HTRA1: variants seen among roughly 807,000 people sequenced by gnomAD.
The protein encoded by HTRA1 is HtrA serine peptidase 1, also known as serine protease HTRA1.
A neutral mutation model predicts 49.7 loss-of-function variants in HTRA1; 26 were observed. That is an observed-to-expected ratio of 0.52 (90% confidence interval 0.38 to 0.73). The LOEUF (loss-of-function observed/expected upper bound fraction) is 0.73. Ranked by LOEUF, HTRA1 falls within the 30% of genes least tolerant of loss-of-function variation. The probability of loss-of-function intolerance (pLI) is 0.00; values close to 1 mark genes in which losing one functional copy is unlikely to be tolerated. For synonymous variants in HTRA1, 291 were observed against 286.9 expected, an observed-to-expected ratio of 1.01 and a Z score of -0.14; for missense variants, 561 against 667.2, an observed-to-expected ratio of 0.84 and a Z score of 1.75.
intron 1 of HTRA1, among the ~76,000 whole-genome samples, chr10:122,485,611 T>C (rs996141961): frequency 1.6e-4 from 25 of 152,214 alleles, no homozygotes; most frequent in African/African-American, 6.0e-4. Context: ...CAGATCCTCC[T>C]TGATCTCCCT....
chr10:122,470,908 T>C (rs1419504887), intron 1 of HTRA1, among the ~76,000 whole-genome samples: 1 of 152,160 alleles, frequency 6.6e-6, no homozygotes, highest in African/African-American at 2.4e-5. Context: ...TGAGACATGA[T>C]AGCTCTTGGC....
chr10:122,508,528 C>CCCACTTCTTGCAT, intron 5 of HTRA1, 128 bp from the exon 6 acceptor site: 1 of 770,460 alleles, frequency 1.3e-6, no homozygotes, highest in Non-Finnish European at 2.4e-6. Context: ...ACGGGGATCC[C>CCCACTTCTTGCAT]CTCCTTGCAT....
rs11200652 is a variant in HTRA1 at position 122,487,654 on chromosome 10, C to T, written c.473-1248C>T. On this transcript the variant is annotated intron_variant, in intron 1 of 8. Transcript: ENST00000368984. This position sits in a 1 kb window ranked among gnomAD's most constrained non-coding sequence, Gnocchi z 4.8. ...ACGTTCTGAGAAATGCGTCGTTAGG[C>T]GATTTCATCACTGTGGGAATGTTAC... is the stretch of plus-strand genomic sequence containing the variant. 5.9e-5 allele frequency among the ~76,000 whole-genome samples: 9 copies of T among 152,204 alleles called. No individual in the cohort carries two copies. Among genetic ancestry groups the T allele is most frequent in the East Asian group, 1.9e-4 (1 of 5,160 alleles).
chr10:122,511,597 G>A (rs1022368899), intron 7 of HTRA1, among the ~76,000 whole-genome samples: 2 of 151,912 alleles, frequency 1.3e-5, no homozygotes, highest in Admixed American at 1.3e-4. Context: ...GCCGGGCTTG[G>A]TGGCAGGCAC....
At chr10:122,489,663 A>G in intron 3 of HTRA1, 37 bp downstream of exon 3, 1 of 1,586,194 alleles carries the variant, frequency 6.3e-7, no homozygotes, top group Non-Finnish European at 8.6e-7. Context: ...GAGTTCTCAG[A>G]TGCCCCGGAA....
Position 122,514,524 on chromosome 10 carries a change from C to T in HTRA1, c.*165C>T. 1 of 691,180 alleles carries T rather than the reference C, an allele frequency of 1.4e-6. No homozygotes were observed. The highest frequency in any genetic ancestry group is 2.6e-6 in the Non-Finnish European group (1 of 389,054). 42.8% of individuals were successfully genotyped at this position (691,180 alleles called of 1,614,324 possible). A position where few individuals can be genotyped will look rare whatever the true frequency, so the allele number is the denominator to read the frequency against. ...AGAATCCTTCTTGATAGTTTGCAGGCAAAACAAATGTAATGTTGCAGATCC... is the reference window on the plus strand; with the variant it reads ...AGAATCCTTCTTGATAGTTTGCAGGTAAAACAAATGTAATGTTGCAGATCC... On this transcript the variant is annotated 3_prime_UTR_variant, in exon 9 of 9. Transcript: ENST00000368984.
intron 1 of HTRA1, among the ~76,000 whole-genome samples, chr10:122,478,391 G>GTTTT (rs1565415429): frequency 2.7e-5 from 1 of 36,700 alleles, no homozygotes. Context: ...GAGTTTGACA[G>GTTTT]ATTTTTTTTT....
chr10:122,474,006 G>C (rs527569865), intron 1 of HTRA1, among the ~76,000 whole-genome samples: 39 of 152,234 alleles, frequency 2.6e-4, no homozygotes, highest in Non-Finnish European at 5.0e-4. Context: ...TTTCAGCCTG[G>C]AAAGTCACTG....
intron 3 of HTRA1, among the ~76,000 whole-genome samples, chr10:122,493,896 G>A (rs958621737): frequency 6.7e-6 from 1 of 150,046 alleles, no homozygotes; most frequent in Non-Finnish European, 1.5e-5. Context: ...CCCTTCCTTG[G>A]TTGCTTCCCA....
At chr10:122,504,056 C>T (rs185809762) in intron 3 of HTRA1, among the ~76,000 whole-genome samples, 1 of 152,304 alleles carries the variant, frequency 6.6e-6, no homozygotes, top group Admixed American at 6.5e-5. Flanking sequence ...CCAGGCTTGC[C>T]CACGGGGTGC....
At chr10:122,499,047 C>T (rs753152780) in intron 3 of HTRA1, among the ~76,000 whole-genome samples, 1 of 152,150 alleles carries the variant, frequency 6.6e-6, no homozygotes, top group South Asian at 2.1e-4. Context: ...GTGCAGGGAT[C>T]AGGCTGATGA....
rs1257389673 is a variant in HTRA1 at position 122,494,237 on chromosome 10, G to A, written c.777+4611G>A. Reference sequence around the variant, plus strand: ...GGACTGCGGGGTTGGGGGCACATCCGGCTGTCGGTCCTCAGGTAGGAGGTG... The same window carrying A: ...GGACTGCGGGGTTGGGGGCACATCCAGCTGTCGGTCCTCAGGTAGGAGGTG... On this transcript the variant is annotated intron_variant, in intron 3 of 8. Coordinates refer to ENST00000368984, the MANE Select transcript of HTRA1 (RefSeq NM_002775.5). This position sits in a 1 kb window ranked among gnomAD's most constrained non-coding sequence, Gnocchi z 4.0. Among the ~76,000 whole-genome samples the A allele has an allele frequency of 2.6e-5, 4 of 152,168 alleles. No individual in the cohort carries two copies. The highest frequency in any genetic ancestry group is 2.1e-4 in the South Asian group (1 of 4,828).
chr10:122,469,508 A>C (rs986854327), intron 1 of HTRA1, among the ~76,000 whole-genome samples: 2 of 152,224 alleles, frequency 1.3e-5, no homozygotes, highest in Non-Finnish European at 2.9e-5. Context: ...AGAGTGAGCT[A>C]TACAGGAATA....
chr10:122,464,059 C>T lies in HTRA1; in HGVS notation c.472+1935C>T, dbSNP rs2097482730. Among the ~76,000 whole-genome samples the T allele has an allele frequency of 6.6e-6, 1 of 152,132 alleles. No individual in the cohort carries two copies. Among genetic ancestry groups the T allele is most frequent in the Non-Finnish European group, 1.5e-5 (1 of 68,036 alleles). On this transcript the variant is annotated intron_variant, in intron 1 of 8. Coordinates refer to ENST00000368984, the MANE Select transcript of HTRA1 (RefSeq NM_002775.5). The surrounding 1 kb of genome is among the most constrained non-coding windows in gnomAD (Gnocchi z 4.8). ...CTAGTGTAGTGTAGGGCTGACCTAGCAGTGGAGTGCGGAATGCATCCAGGG... is the reference window on the plus strand; with the variant it reads ...CTAGTGTAGTGTAGGGCTGACCTAGTAGTGGAGTGCGGAATGCATCCAGGG...
chr10:122,488,874 A>C, intron 1 of HTRA1, 28 bp from the exon 2 acceptor site: 1 of 1,556,688 alleles, frequency 6.4e-7, no homozygotes, highest in Non-Finnish European at 8.9e-7. Context: ...AGTGTCATTA[A>C]GTATCTATTC....
chr10:122,504,107 G>GC (rs1376921122), intron 3 of HTRA1, among the ~76,000 whole-genome samples: 1 of 152,134 alleles, frequency 6.6e-6, no homozygotes, highest in Non-Finnish European at 1.5e-5. Flanking sequence ...TCCCCTGGAG[G>GC]CCTGGCCCTC....
intron 6 of HTRA1, among the ~76,000 whole-genome samples, chr10:122,509,232 G>A (rs2097504492): frequency 6.6e-6 from 1 of 152,210 alleles, no homozygotes; most frequent in Non-Finnish European, 1.5e-5. Flanking sequence ...CTTTGCCGGT[G>A]TGACTTTTAT....
chr10:122,469,310 T>C (rs938286091), intron 1 of HTRA1, among the ~76,000 whole-genome samples: 4 of 152,108 alleles, frequency 2.6e-5, no homozygotes, highest in Admixed American at 2.6e-4. Flanking sequence ...TTCCAACACA[T>C]GAGTCATCTC....
At chr10:122,488,593 T>C (rs2097494151) in intron 1 of HTRA1, among the ~76,000 whole-genome samples, 1 of 152,008 alleles carries the variant, frequency 6.6e-6, no homozygotes, top group South Asian at 2.1e-4. Context: ...AAAAACAAAC[T>C]TGGGCCATCA....
Sources: allele counts gnomAD v4.1 joint callset (sites outside exome capture counted in the v4.1 genomes callset), GRCh38; gene constraint gnomAD v4.1.1; non-coding constraint Gnocchi (gnomAD v3.1); transcripts MANE v1.5; gene names NCBI Gene and HGNC (gene_info 2026-07-23, HGNC 2026-07-21).